Variants in SOBP observed in about 807,000 individuals in gnomAD.
The protein encoded by SOBP is sine oculis binding protein homolog.
In SOBP, 4 loss-of-function variants were observed where a neutral mutation model predicts 53.6. The ratio of observed to expected loss-of-function variants is 0.07; its 90% CI spans 0.04 to 0.17. SOBP has a LOEUF of 0.17. Ranked by LOEUF, SOBP falls within the 10% of genes least tolerant of loss-of-function variation. The pLI is 1.00. For synonymous variants in SOBP, 584 were observed against 522.6 expected (o/e 1.12, Z -1.60); for missense variants, 1,088 against 1,204.7 (o/e 0.90, Z 1.43).
intron 5 of SOBP, among the ~76,000 whole-genome samples, chr6:107,600,106 G>C (rs866397765): frequency 6.6e-6 from 1 of 152,180 alleles, no homozygotes; most frequent in African/African-American, 2.4e-5. Flanking sequence ...TCTTTCCTCT[G>C]TCCTGGCTTT....
intron 3 of SOBP, among the ~76,000 whole-genome samples, chr6:107,516,471 C>G (rs568335213): frequency 1.4e-4 from 21 of 148,658 alleles, no homozygotes; most frequent in Non-Finnish European, 7.4e-5. Flanking sequence ...GAGCAAGACT[C>G]TGTCTCAAAA....
At position 107,634,588 on chromosome 6, in the gene SOBP, C is replaced by A. The variant is rs1458938736; in HGVS notation, c.1744C>A (p.Leu582Met). Residue 582 changes from leucine to methionine, a missense_variant, in exon 6 of 7, where the codon CTG becomes ATG. By Grantham distance (15) the Leu-to-Met change is conservative. Around this residue, in one of 6 missense-constraint regions of SOBP, gnomAD observed 665 missense variants for 629.7 expected, o/e 1.06. Coordinates refer to ENST00000317357, the MANE Select transcript of SOBP (RefSeq NM_018013.4). This position sits in a 1 kb window ranked among gnomAD's most constrained non-coding sequence, Gnocchi z 4.5. The part of the protein sequence containing the change: ...AAGGKPSGHS[L>M]SPRDSKQGSS... ...GGGCGGCAAGCCAAGCGGACACTCCCTGTCCCCCCGGGACTCCAAGCAGGG... is the reference window on the plus strand; with the variant it reads ...GGGCGGCAAGCCAAGCGGACACTCCATGTCCCCCCGGGACTCCAAGCAGGG... 1 of 1,603,218 alleles carries A rather than the reference C, an allele frequency of 6.2e-7. No homozygotes were observed. Among genetic ancestry groups the A allele is most frequent in the East Asian group, 2.2e-5 (1 of 44,744 alleles).
At chr6:107,546,269 G>T (rs193033368) in intron 4 of SOBP, among the ~76,000 whole-genome samples, 1 of 152,316 alleles carries the variant, frequency 6.6e-6, no homozygotes, top group East Asian at 1.9e-4. Flanking sequence ...TCCCTGTCCT[G>T]TATCAATCTG....
intron 4 of SOBP, among the ~76,000 whole-genome samples, chr6:107,555,772 C>T (rs556887375): frequency 2.6e-5 from 4 of 152,312 alleles, no homozygotes; most frequent in Non-Finnish European, 4.4e-5. Flanking sequence ...CCACAGATAG[C>T]GCATGACCCA....
At chr6:107,594,187 A>T (rs940730324) in intron 5 of SOBP, among the ~76,000 whole-genome samples, 1 of 152,136 alleles carries the variant, frequency 6.6e-6, no homozygotes, top group African/African-American at 2.4e-5. Context: ...GTGTGAAATG[A>T]GGACAATAGT....
chr6:107,611,845 A>T (rs1786611067), intron 5 of SOBP, among the ~76,000 whole-genome samples: 1 of 152,214 alleles, frequency 6.6e-6, no homozygotes, highest in Non-Finnish European at 1.5e-5. Flanking sequence ...AACTAATTCC[A>T]TCGGGAAAAC....
chr6:107,575,505 G>A (rs1464836755), intron 4 of SOBP, among the ~76,000 whole-genome samples: 1 of 152,116 alleles, frequency 6.6e-6, no homozygotes, highest in African/African-American at 2.4e-5. Context: ...CCAAGGTGCA[G>A]AGGAACTGGG....
chr6:107,574,763 C>T (rs1785176854), intron 4 of SOBP, among the ~76,000 whole-genome samples: 1 of 152,136 alleles, frequency 6.6e-6, no homozygotes, highest in Admixed American at 6.5e-5. Context: ...TACTGGTGGG[C>T]CTAGGATTTG....
chr6:107,650,646 G>A (rs907894016), intron 6 of SOBP, among the ~76,000 whole-genome samples: 2 of 152,170 alleles, frequency 1.3e-5, no homozygotes, highest in African/African-American at 4.8e-5. Flanking sequence ...GTCAATAAAC[G>A]TTGGGTATGT....
chr6:107,603,094 T>C (rs1786246450), intron 5 of SOBP, among the ~76,000 whole-genome samples: 1 of 152,206 alleles, frequency 6.6e-6, no homozygotes, highest in Admixed American at 6.5e-5. Flanking sequence ...AGCTAGCAGA[T>C]GCTCATGAAC....
chr6:107,630,523 C>T (rs568052478), intron 5 of SOBP, among the ~76,000 whole-genome samples: 9 of 152,118 alleles, frequency 5.9e-5, no homozygotes, highest in South Asian at 2.1e-4. Context: ...ATGATAGTAC[C>T]GTGTTTTATT....
chr6:107,544,146 A>G (rs1306605042), intron 4 of SOBP, among the ~76,000 whole-genome samples: 1 of 152,164 alleles, frequency 6.6e-6, no homozygotes, highest in East Asian at 1.9e-4. Context: ...ATCAAGAGTT[A>G]ACTCGTCCAC....
At chr6:107,543,308 C>T (rs1235044700) in intron 4 of SOBP, among the ~76,000 whole-genome samples, 1 of 152,178 alleles carries the variant, frequency 6.6e-6, no homozygotes, top group Non-Finnish European at 1.5e-5. Flanking sequence ...GGTCATGGGA[C>T]AGCTGCTAGC....
chr6:107,561,695 G>A (rs1562615986), intron 4 of SOBP, among the ~76,000 whole-genome samples: 1 of 152,162 alleles, frequency 6.6e-6, no homozygotes, highest in East Asian at 1.9e-4. Context: ...TTAGTTTTCT[G>A]AAACAAGACA....
At chr6:107,533,364 T>A in intron 3 of SOBP, 95 bp from the exon 4 acceptor site, 4 of 1,148,980 alleles carry the variant, frequency 3.5e-6, no homozygotes, top group Non-Finnish European at 3.6e-6. Context: ...GAAACTAAAA[T>A]CAGGCCCAGG....
At chr6:107,595,793 T>C (rs752887913) in intron 5 of SOBP, among the ~76,000 whole-genome samples, 1 of 151,658 alleles carries the variant, frequency 6.6e-6, no homozygotes, top group Non-Finnish European at 1.5e-5. Flanking sequence ...ATGACATATG[T>C]GAGTAATAAG....
At chr6:107,603,382 C>G (rs1019311157) in intron 5 of SOBP, among the ~76,000 whole-genome samples, 1 of 152,172 alleles carries the variant, frequency 6.6e-6, no homozygotes, top group Non-Finnish European at 1.5e-5. Flanking sequence ...TGTCTCTGCC[C>G]AAGGGGCTGT....
intron 3 of SOBP, among the ~76,000 whole-genome samples, chr6:107,528,466 A>T (rs1783727286): frequency 6.6e-6 from 1 of 152,114 alleles, no homozygotes; most frequent in African/African-American, 2.4e-5. Context: ...AGATCCACAT[A>T]TTATTGGGCC....
chr6:107,575,739 G>T (rs78995803), intron 4 of SOBP, among the ~76,000 whole-genome samples: 8,472 of 151,942 alleles, frequency 0.056, 319 homozygotes, highest in Admixed American at 0.13. Context: ...ATAATAATAA[G>T]AAGAAGAAGA....
Sources: allele counts gnomAD v4.1 joint callset (sites outside exome capture counted in the v4.1 genomes callset), GRCh38; gene constraint gnomAD v4.1.1; regional missense constraint gnomAD v4.1.1; non-coding constraint Gnocchi (gnomAD v3.1); transcripts MANE v1.5; gene names NCBI Gene and HGNC (gene_info 2026-07-23, HGNC 2026-07-21).